Variants in SCHIP1 observed in about 807,000 individuals in gnomAD.
The protein encoded by SCHIP1 is schwannomin-interacting protein 1.
Under a neutral mutation model 29.7 loss-of-function variants are expected in SCHIP1, and 8 were observed. The observed-to-expected ratio is 0.27, with a 90% CI of 0.16 to 0.49. SCHIP1 has a LOEUF of 0.49. SCHIP1 is among the 20% of genes least tolerant of loss of function. The pLI is 0.99. For synonymous variants in SCHIP1, 76 were observed against 94.9 expected (o/e 0.80, Z 1.16); for missense variants, 193 against 294.6 (o/e 0.66, Z 2.52).
chr3:159,488,101 AACTTTACATGTTCTC>A, the SCHIP1 span, among the ~76,000 whole-genome samples: 67,314 of 151,766 alleles, frequency 0.44, 15,750 homozygotes, highest in East Asian at 0.68. Flanking sequence ...CAGAAAGACA[AACTTTACATGTTCTC>A]ACTCACATGT....
At chr3:159,669,537 C>T in the SCHIP1 span, among the ~76,000 whole-genome samples, 1 of 152,202 alleles carries the variant, frequency 6.6e-6, no homozygotes, top group African/African-American at 2.4e-5. Context: ...ATCTAGACAA[C>T]TGCCTTCACT....
chr3:159,730,985 C>T, the SCHIP1 span, among the ~76,000 whole-genome samples: 9 of 152,224 alleles, frequency 5.9e-5, no homozygotes, highest in Non-Finnish European at 1.0e-4. Flanking sequence ...ATGGAGTGGC[C>T]TTTGTCCTTA....
chr3:159,735,967 A>C, the SCHIP1 span, among the ~76,000 whole-genome samples: 1 of 150,888 alleles, frequency 6.6e-6, no homozygotes, highest in Admixed American at 6.8e-5. Context: ...GAGAATGATA[A>C]TAACACTTAT....
chr3:159,658,008 G>C, the SCHIP1 span, among the ~76,000 whole-genome samples: 2 of 152,272 alleles, frequency 1.3e-5, no homozygotes, highest in African/African-American at 4.8e-5. Flanking sequence ...TCCGGCAAAT[G>C]TTCCAGGAGT....
the SCHIP1 span, among the ~76,000 whole-genome samples, chr3:159,413,248 C>A: frequency 1.3e-5 from 2 of 152,100 alleles, no homozygotes; most frequent in African/African-American, 4.8e-5. Flanking sequence ...GACATAGAGC[C>A]AAACCATATT....
At chr3:159,403,500 T>C in the SCHIP1 span, among the ~76,000 whole-genome samples, 1 of 152,092 alleles carries the variant, frequency 6.6e-6, no homozygotes, top group Non-Finnish European at 1.5e-5. Flanking sequence ...GAGAGTGCAG[T>C]GATTGAGGGA....
At chr3:159,874,620 A>G (rs1015206821) in intron 2 of SCHIP1, among the ~76,000 whole-genome samples, 7 of 152,198 alleles carry the variant, frequency 4.6e-5, no homozygotes, top group African/African-American at 9.6e-5. Context: ...GAATCTGTAT[A>G]TACAATGTGC....
At chr3:159,571,502 C>G in the SCHIP1 span, among the ~76,000 whole-genome samples, 1 of 152,080 alleles carries the variant, frequency 6.6e-6, no homozygotes, top group South Asian at 2.1e-4. Flanking sequence ...GGTGGATAAG[C>G]TTTTGATGTG....
chr3:159,886,221 T>C, exon 3 of SCHIP1: 1 of 1,614,186 alleles, frequency 6.2e-7, no homozygotes, highest in Non-Finnish European at 8.5e-7. Flanking sequence ...CAGAGTGGGA[T>C]GAACTTGCAG....
At chr3:159,588,171 T>A in the SCHIP1 span, among the ~76,000 whole-genome samples, 1 of 152,246 alleles carries the variant, frequency 6.6e-6, no homozygotes, top group Non-Finnish European at 1.5e-5. Flanking sequence ...CTAACTGGTG[T>A]AAGATGGTAT....
intron 2 of SCHIP1, among the ~76,000 whole-genome samples, chr3:159,877,196 A>G (rs1354225460): frequency 6.6e-6 from 1 of 152,096 alleles, no homozygotes; most frequent in Non-Finnish European, 1.5e-5. Flanking sequence ...CTAAAAATAC[A>G]AAAATTAGCC....
At chr3:159,625,448 G>A in the SCHIP1 span, among the ~76,000 whole-genome samples, 2 of 152,194 alleles carry the variant, frequency 1.3e-5, no homozygotes, top group African/African-American at 4.8e-5. Flanking sequence ...TTTCAAATAC[G>A]TACCTCAAGA....
At chr3:159,284,961 T>C in the SCHIP1 span, among the ~76,000 whole-genome samples, 1 of 152,192 alleles carries the variant, frequency 6.6e-6, no homozygotes, top group Non-Finnish European at 1.5e-5. Flanking sequence ...TCATTTTCTT[T>C]ATATTGTAAA....
chr3:159,694,840 T>C, the SCHIP1 span, among the ~76,000 whole-genome samples: 1 of 152,212 alleles, frequency 6.6e-6, no homozygotes, highest in African/African-American at 2.4e-5. Flanking sequence ...CCCTTCCAAC[T>C]GAGCATCTCA....
the SCHIP1 span, among the ~76,000 whole-genome samples, chr3:159,720,964 A>T: frequency 0.024 from 3,698 of 152,290 alleles, 73 homozygotes; most frequent in African/African-American, 0.052. Context: ...TAATAATTAA[A>T]TTCTAAAAGT....
At chr3:159,501,431 G>C in the SCHIP1 span, among the ~76,000 whole-genome samples, 4 of 152,098 alleles carry the variant, frequency 2.6e-5, no homozygotes, top group African/African-American at 9.7e-5. Flanking sequence ...ACATTTTATT[G>C]CTGATAAAGA....
the SCHIP1 span, among the ~76,000 whole-genome samples, chr3:159,427,770 C>A: frequency 2.0e-5 from 3 of 152,118 alleles, no homozygotes; most frequent in Admixed American, 1.3e-4. Context: ...AAGCTGGAGG[C>A]ATCACACTAC....
At chr3:159,613,136 T>C in the SCHIP1 span, among the ~76,000 whole-genome samples, 1 of 152,204 alleles carries the variant, frequency 6.6e-6, no homozygotes, top group Non-Finnish European at 1.5e-5. Context: ...GTCACTCTGA[T>C]AAATAACAAA....
At chr3:159,508,016 T>G in the SCHIP1 span, among the ~76,000 whole-genome samples, 1 of 152,244 alleles carries the variant, frequency 6.6e-6, no homozygotes, top group African/African-American at 2.4e-5. Flanking sequence ...CTTTTTCTAT[T>G]GATTGGAATA....
Sources: gnomAD v4.1 joint callset for allele counts (sites outside exome capture counted in the v4.1 genomes callset) on GRCh38, gnomAD v4.1.1 for gene constraint, MANE v1.5 for transcripts, NCBI Gene and HGNC (gene_info 2026-07-23, HGNC 2026-07-21) for gene names.